GNG12: variants seen among roughly 807,000 people sequenced by gnomAD.
The protein encoded by GNG12 is guanine nucleotide-binding protein G(I)/G(S)/G(O) subunit gamma-12.
For missense variants in GNG12, 69 were observed against 83.8 expected (o/e 0.82, Z 0.69); for synonymous variants, 28 against 29.7 (o/e 0.94, Z 0.19).
At chr1:67,736,584 T>C (rs896209342) in intron 2 of GNG12, among the ~76,000 whole-genome samples, 5 of 152,120 alleles carry the variant, frequency 3.3e-5, no homozygotes, top group African/African-American at 9.7e-5. Flanking sequence ...CAGTGGAACA[T>C]ACTTGTGCAG....
In GNG12 at chr1:67,702,395, G is replaced by A. The variant is rs1646221148; in HGVS notation, c.*3056C>T. The stretch of plus-strand genomic sequence containing the variant: ...AGGTGGCATTTGAAGAGAATATTTG[G>A]CACATCCTCCACTACGTAAGCTACC... On this transcript the variant is annotated 3_prime_UTR_variant, in exon 4 of 4. Transcript: ENST00000370982. 6.6e-6 allele frequency: 1 copy of A among 152,094 alleles called. No homozygotes were observed. Among genetic ancestry groups the A allele is most frequent in the South Asian group, 2.1e-4 (1 of 4,822 alleles). 9.4% of individuals were successfully genotyped at this position (152,094 alleles called of 1,614,324 possible).
At chr1:67,767,711 T>G (rs879847191) in intron 2 of GNG12, among the ~76,000 whole-genome samples, 7 of 152,250 alleles carry the variant, frequency 4.6e-5, no homozygotes, top group African/African-American at 1.2e-4. Flanking sequence ...CCTTATCTGA[T>G]GGCAATATCA....
At chr1:67,766,098 GCA>G (rs1278948416) in intron 2 of GNG12, among the ~76,000 whole-genome samples, 1 of 100,816 alleles carries the variant, frequency 9.9e-6, no homozygotes, top group Non-Finnish European at 2.0e-5. Context: ...ACAAAACAAG[GCA>G]CACACGCACA....
chr1:67,791,073 T>C (rs1393287677), intron 1 of GNG12, among the ~76,000 whole-genome samples: 1 of 152,196 alleles, frequency 6.6e-6, no homozygotes, highest in Admixed American at 6.5e-5. Flanking sequence ...AGGGGAAGGG[T>C]AACACAAGAG....
At chr1:67,734,043 C>T (rs1646436703) in intron 2 of GNG12, among the ~76,000 whole-genome samples, 1 of 152,134 alleles carries the variant, frequency 6.6e-6, no homozygotes, top group African/African-American at 2.4e-5. Context: ...ATGCAGGAAA[C>T]TTGAGTTCCT....
intron 1 of GNG12, among the ~76,000 whole-genome samples, chr1:67,783,909 G>A (rs1264961425): frequency 9.3e-5 from 14 of 149,836 alleles, no homozygotes; most frequent in East Asian, 7.9e-4. Context: ...TCAGTGTGGC[G>A]ATTCCTCAGG....
chr1:67,826,997 A>G (rs998703572), intron 1 of GNG12, among the ~76,000 whole-genome samples: 1 of 152,220 alleles, frequency 6.6e-6, no homozygotes, highest in Non-Finnish European at 1.5e-5. Flanking sequence ...TTTCACATCA[A>G]TGAAGTTAAG....
chr1:67,816,178 A>T (rs1646952037), intron 1 of GNG12, among the ~76,000 whole-genome samples: 1 of 152,162 alleles, frequency 6.6e-6, no homozygotes, highest in Admixed American at 6.5e-5. Flanking sequence ...GTACGAAATC[A>T]TACATTTTGA....
At chr1:67,813,999 G>C (rs1261709643) in intron 1 of GNG12, among the ~76,000 whole-genome samples, 1 of 151,998 alleles carries the variant, frequency 6.6e-6, no homozygotes, top group Admixed American at 6.6e-5. Flanking sequence ...AGGAAGATAA[G>C]GTAACTTGTT....
At chr1:67,795,218 G>T (rs1276304) in intron 1 of GNG12, among the ~76,000 whole-genome samples, 4 of 151,982 alleles carry the variant, frequency 2.6e-5, no homozygotes, top group African/African-American at 2.4e-5. Context: ...CAATTTTGAC[G>T]GTTCCCAACC....
chr1:67,714,850 C>T lies in GNG12; in HGVS notation c.-26-7138G>A, dbSNP rs553491844. 1.3e-4 allele frequency among the ~76,000 whole-genome samples: 20 copies of T among 152,150 alleles called. No individual in the cohort carries two copies. The South Asian group carries it at 2.1e-3, about 16-fold the overall frequency. On this transcript the variant is annotated intron_variant, in intron 2 of 3. Transcript: ENST00000370982. Reference sequence around the variant, plus strand: ...AAAATGATTGGCATCCTTATGAGAACGAGAAATTTGGACATAGATGGGGAC... The same window carrying T: ...AAAATGATTGGCATCCTTATGAGAATGAGAAATTTGGACATAGATGGGGAC...
intron 2 of GNG12, among the ~76,000 whole-genome samples, chr1:67,757,184 GA>G (rs1473351239): frequency 1.3e-5 from 2 of 152,328 alleles, no homozygotes; most frequent in South Asian, 4.1e-4. Flanking sequence ...CACAGAGCCT[GA>G]AGGTAATTTT....
chr1:67,761,670 C>T (rs1646605628), intron 2 of GNG12, among the ~76,000 whole-genome samples: 1 of 152,206 alleles, frequency 6.6e-6, no homozygotes, highest in Non-Finnish European at 1.5e-5. Context: ...AAATAAAACA[C>T]ATTTCCAACA....
chr1:67,800,847 T>C (rs926290440), intron 1 of GNG12, among the ~76,000 whole-genome samples: 2 of 152,180 alleles, frequency 1.3e-5, no homozygotes, highest in African/African-American at 2.4e-5. Context: ...TGTGAACTCC[T>C]TGAAAGGATC....
rs1299007578 is a variant in GNG12, at chr1:67,833,443, C to T, written c.-176G>A. 3.0e-6 allele frequency: 3 copies of T among 985,362 alleles called. No homozygotes were observed. Among genetic ancestry groups the T allele is most frequent in the Non-Finnish European group, 3.6e-6 (3 of 830,096 alleles). The allele number at this position is 985,362 out of a possible 1,614,324, so 61.0% of individuals were successfully genotyped here. A position where few individuals can be genotyped will look rare whatever the true frequency, so the allele number is the denominator to read the frequency against. On this transcript the variant is annotated 5_prime_UTR_variant, in exon 1 of 4. Transcript: ENST00000370982. ...TCTCCTCCTCCTCCTCCTCTTGCTC[C>T]TCCGGGCGCCGGCTCCGCCTCGCTG... is the stretch of plus-strand genomic sequence containing the variant.
chr1:67,707,852 C>G (rs1371489632), intron 2 of GNG12, 140 bp from the exon 3 acceptor site: 3 of 538,834 alleles, frequency 5.6e-6, no homozygotes, highest in Non-Finnish European at 9.7e-6. Context: ...CTAAAACACC[C>G]CTTAGAAATT....
chr1:67,808,944 C>G (rs530530494), intron 1 of GNG12, among the ~76,000 whole-genome samples: 22 of 152,152 alleles, frequency 1.4e-4, no homozygotes, highest in African/African-American at 5.3e-4. Context: ...CAAACTGAAT[C>G]TAAAGTATTA....
intron 2 of GNG12, among the ~76,000 whole-genome samples, chr1:67,770,923 T>C (rs1297080445): frequency 1.3e-5 from 2 of 152,084 alleles, no homozygotes; most frequent in Non-Finnish European, 1.5e-5. Context: ...TGACTGTTTA[T>C]AGACCAAAAA....
chr1:67,814,975 CA>C, intron 1 of GNG12, among the ~76,000 whole-genome samples: 1 of 152,296 alleles, frequency 6.6e-6, no homozygotes, highest in Non-Finnish European at 1.5e-5. Flanking sequence ...AAGTTAGTTT[CA>C]AAACCAAGCT....
Sources: allele counts gnomAD v4.1 joint callset (sites outside exome capture counted in the v4.1 genomes callset), GRCh38; gene constraint gnomAD v4.1.1; transcripts MANE v1.5; gene names NCBI Gene and HGNC (gene_info 2026-07-23, HGNC 2026-07-21).